The following BRD4 variants were observed in gnomAD, a reference collection of about 807,000 sequenced individuals.
The protein encoded by BRD4 is bromodomain-containing protein 4.
In BRD4, 16 loss-of-function variants were observed where a neutral mutation model predicts 142.1. That is an observed-to-expected ratio of 0.11 (90% CI 0.08 to 0.17). The LOEUF (loss-of-function observed/expected upper bound fraction) is 0.17, where lower values mean the gene tolerates loss of function less well. Ranked by LOEUF, BRD4 falls within the 10% of genes least tolerant of loss-of-function variation. The probability of loss-of-function intolerance (pLI) is 1.00; values close to 1 mark genes in which losing one functional copy is unlikely to be tolerated. For missense variants in BRD4, 1,424 were observed against 1,810.9 expected, an observed-to-expected ratio of 0.79 and a Z score of 3.88; for synonymous variants, 833 against 707.5, an observed-to-expected ratio of 1.18 and a Z score of -2.82.
chr19:15,320,640 G>C (rs117172052), intron 1 of BRD4, among the ~76,000 whole-genome samples: 2 of 152,246 alleles, frequency 1.3e-5, no homozygotes, highest in Non-Finnish European at 2.9e-5. Context: ...GCTCCCTTCA[G>C]GGCTGTTTTC....
intron 11 of BRD4, among the ~76,000 whole-genome samples, chr19:15,252,471 C>A (rs968024507): frequency 5.3e-5 from 8 of 152,168 alleles, no homozygotes; most frequent in African/African-American, 1.7e-4. Flanking sequence ...GCTTGGCTGG[C>A]ATGGAAAGTG....
intron 1 of BRD4, chr19:15,280,594 G>A (rs1232399158): frequency 1.0e-5 from 3 of 300,274 alleles, no homozygotes; most frequent in Non-Finnish European, 1.5e-5. Flanking sequence ...GCAAGGGGAA[G>A]GGACACCAAG....
chr19:15,267,958 G>A (rs1331376107), intron 3 of BRD4, among the ~76,000 whole-genome samples: 2 of 152,184 alleles, frequency 1.3e-5, no homozygotes, highest in Non-Finnish European at 2.9e-5. Flanking sequence ...GCTCCCCAAC[G>A]TACCCCCATG....
intron 8 of BRD4, 55 bp downstream of exon 8, chr19:15,256,909 G>C: frequency 1.4e-6 from 2 of 1,456,092 alleles, no homozygotes; most frequent in South Asian, 2.6e-5. Context: ...TTCTGGGGAG[G>C]CCACCCTGGT....
intron 14 of BRD4, 141 bp downstream of exon 14, chr19:15,242,759 C>T (rs751819349): frequency 7.5e-7 from 1 of 1,339,616 alleles, no homozygotes; most frequent in African/African-American, 1.5e-5. Flanking sequence ...ACCAATGACC[C>T]TTCCAGGTCC....
intron 1 of BRD4, among the ~76,000 whole-genome samples, chr19:15,284,125 T>C (rs1013482139): frequency 3.3e-5 from 5 of 152,144 alleles, no homozygotes; most frequent in Admixed American, 6.6e-5. Flanking sequence ...GGGCACTTCA[T>C]TGTGATTTTA....
intron 1 of BRD4, among the ~76,000 whole-genome samples, chr19:15,290,170 G>A (rs2145665311): frequency 6.6e-6 from 1 of 152,258 alleles, no homozygotes; most frequent in Admixed American, 6.5e-5. Flanking sequence ...GGATCCATTG[G>A]AGATTAAAAA....
intron 11 of BRD4, chr19:15,253,534 G>C: frequency 1.3e-6 from 2 of 1,527,240 alleles, no homozygotes; most frequent in Non-Finnish European, 8.8e-7. Context: ...GCAAGTCCAG[G>C]TGCGTGTGGA....
At chr19:15,240,633 T>C (rs2047231311) in intron 14 of BRD4, among the ~76,000 whole-genome samples, 1 of 152,114 alleles carries the variant, frequency 6.6e-6, no homozygotes, top group South Asian at 2.1e-4. Context: ...TGGAGCTGTC[T>C]CTTAGGAAAC....
intron 1 of BRD4, among the ~76,000 whole-genome samples, chr19:15,275,328 C>T (rs922542286): frequency 1.3e-5 from 2 of 152,222 alleles, no homozygotes; most frequent in African/African-American, 4.8e-5. Context: ...CTCAAAAATG[C>T]TAACATTGCT....
intron 1 of BRD4, among the ~76,000 whole-genome samples, chr19:15,293,614 G>C (rs748682296): frequency 6.6e-6 from 1 of 152,172 alleles, no homozygotes; most frequent in South Asian, 2.1e-4. Flanking sequence ...CTAGCGACCC[G>C]GAAGGGGTAA....
At chr19:15,294,600 A>G (rs1238120486) in intron 1 of BRD4, among the ~76,000 whole-genome samples, 1 of 152,246 alleles carries the variant, frequency 6.6e-6, no homozygotes, top group Non-Finnish European at 1.5e-5. Context: ...AAATCTCAAT[A>G]TACCACAGGC....
rs1023441264 is a variant in BRD4 at position 15,276,893 on chromosome 19, G to A, written c.-34-3760C>T. ...GGGCAGGGCTGCTCTGGCCATGGAC[G>A]GGGAGAGGGATCTGCACTGACCCGA... On this transcript the variant is annotated intron_variant, in intron 1 of 19. Coordinates refer to ENST00000679869, the MANE Select transcript of BRD4 (RefSeq NM_001379291.1). 2.0e-5 allele frequency among the ~76,000 whole-genome samples: 3 copies of A among 152,158 alleles called. No homozygotes were observed. In the South Asian group the frequency reaches 6.2e-4, roughly 32 times the overall value.
intron 1 of BRD4, among the ~76,000 whole-genome samples, chr19:15,322,580 T>C (rs1275171921): frequency 1.4e-5 from 2 of 140,906 alleles, no homozygotes; most frequent in East Asian, 2.1e-4. Flanking sequence ...TAGCCAGGCG[T>C]GGTGGCGGGC....
intron 1 of BRD4, among the ~76,000 whole-genome samples, chr19:15,303,007 CAAAAA>C (rs1213995194): frequency 1.7e-5 from 1 of 57,950 alleles, no homozygotes. Flanking sequence ...GACTCCGTCG[CAAAAA>C]AAAAAAAAAA....
chr19:15,298,377 C>T (rs868829642), intron 1 of BRD4, among the ~76,000 whole-genome samples: 1 of 152,136 alleles, frequency 6.6e-6, no homozygotes, highest in South Asian at 2.1e-4. Flanking sequence ...GTGGCTCACG[C>T]CTGTAATCCC....
At chr19:15,304,050 C>A (rs1042242793) in intron 1 of BRD4, among the ~76,000 whole-genome samples, 6 of 152,180 alleles carry the variant, frequency 3.9e-5, no homozygotes, top group African/African-American at 1.4e-4. Context: ...TCATCCGTCA[C>A]AGTGAAGGAT....
intron 1 of BRD4, among the ~76,000 whole-genome samples, chr19:15,303,913 G>C (rs1282110518): frequency 6.6e-6 from 1 of 152,148 alleles, no homozygotes; most frequent in Non-Finnish European, 1.5e-5. Context: ...ATGCCAGCAA[G>C]AACATTCACC....
In BRD4 at chr19:15,237,017, T is replaced by TAA. The variant is rs762817978; in HGVS notation, c.*1358_*1359dup. ...CACCAGGGGCTCCAATTATAAAAAT[T>TAA]AAAAAAAAAAAAAAAAAAAAGCATG... is the stretch of plus-strand genomic sequence containing the variant. On this transcript the variant is annotated 3_prime_UTR_variant, in exon 20 of 20. Transcript: ENST00000679869. 2.4e-4 allele frequency: 29 copies of TAA among 119,368 alleles called. No homozygotes were observed. The highest frequency in any genetic ancestry group is 3.3e-4 in the South Asian group (1 of 3,032). The allele number at this position is 119,368 out of a possible 1,614,324, so 7.4% of individuals were successfully genotyped here.
Sources: allele counts gnomAD v4.1 joint callset (sites outside exome capture counted in the v4.1 genomes callset), GRCh38; gene constraint gnomAD v4.1.1; transcripts MANE v1.5; gene names NCBI Gene and HGNC (gene_info 2026-07-23, HGNC 2026-07-21).